The following MAF variants were observed in gnomAD, a reference collection of about 807,000 sequenced individuals.
MAF encodes the protein transcription factor Maf.
In MAF, 10 loss-of-function variants were observed where a neutral mutation model predicts 22.0. That is an observed-to-expected ratio of 0.45 (90% CI 0.28 to 0.77). MAF has a LOEUF of 0.77. MAF is among the 30% of genes least tolerant of loss of function. The pLI is 0.12. For synonymous variants in MAF, 337 were observed against 255.8 expected (o/e 1.32, Z -3.03); for missense variants, 544 against 548.4 (o/e 0.99, Z 0.08).
chr16:79,483,881 G>C, the MAF span, among the ~76,000 whole-genome samples: 1 of 152,146 alleles, frequency 6.6e-6, no homozygotes, highest in African/African-American at 2.4e-5. Flanking sequence ...GGTCATCTTC[G>C]CCTTCTGTCC....
At chr16:79,219,777 C>A in the MAF span, among the ~76,000 whole-genome samples, 1 of 152,008 alleles carries the variant, frequency 6.6e-6, no homozygotes, top group East Asian at 1.9e-4. Context: ...TCCTACCGTG[C>A]TTTATTTTCA....
chr16:79,494,660 A>G, the MAF span, among the ~76,000 whole-genome samples: 4 of 152,118 alleles, frequency 2.6e-5, no homozygotes, highest in African/African-American at 9.7e-5. Context: ...TCTGACACCA[A>G]ATGTGTAGGA....
At chr16:79,257,815 G>A in the MAF span, among the ~76,000 whole-genome samples, 1 of 152,146 alleles carries the variant, frequency 6.6e-6, no homozygotes, top group Non-Finnish European at 1.5e-5. Flanking sequence ...TGCTGTTAGT[G>A]AAAACTGGAG....
the MAF span, among the ~76,000 whole-genome samples, chr16:79,323,631 C>T: frequency 6.6e-6 from 1 of 152,152 alleles, no homozygotes; most frequent in Admixed American, 6.5e-5. Flanking sequence ...TGGGACCGTA[C>T]CTTGCGGCAA....
At chr16:79,354,216 G>C in the MAF span, among the ~76,000 whole-genome samples, 1 of 151,864 alleles carries the variant, frequency 6.6e-6, no homozygotes, top group Admixed American at 6.6e-5. Context: ...TGCTCTCAAA[G>C]TCCTGGCTCA....
At chr16:79,537,474 C>T in the MAF span, among the ~76,000 whole-genome samples, 2 of 152,170 alleles carry the variant, frequency 1.3e-5, no homozygotes, top group East Asian at 1.9e-4. Context: ...TTGAGTGACC[C>T]ATTCAAAGCC....
At chr16:79,349,569 C>T in the MAF span, among the ~76,000 whole-genome samples, 1 of 152,184 alleles carries the variant, frequency 6.6e-6, no homozygotes, top group Non-Finnish European at 1.5e-5. Context: ...CCTGGGTCTG[C>T]TCAGGAACAT....
chr16:79,349,266 T>C, the MAF span, among the ~76,000 whole-genome samples: 2 of 152,194 alleles, frequency 1.3e-5, no homozygotes, highest in Admixed American at 6.5e-5. Flanking sequence ...GTCCTACTCA[T>C]AATGCCCAGG....
chr16:79,369,367 G>C, the MAF span, among the ~76,000 whole-genome samples: 2 of 152,160 alleles, frequency 1.3e-5, no homozygotes, highest in Non-Finnish European at 2.9e-5. Context: ...CTTCAAGCCT[G>C]TCTCATCCCA....
the MAF span, among the ~76,000 whole-genome samples, chr16:79,236,090 G>A: frequency 3.3e-5 from 5 of 152,060 alleles, no homozygotes; most frequent in African/African-American, 1.2e-4. Flanking sequence ...ACCTTGGCTG[G>A]TGGGCCTCTG....
chr16:79,456,768 C>T, the MAF span, among the ~76,000 whole-genome samples: 1 of 152,200 alleles, frequency 6.6e-6, no homozygotes, highest in African/African-American at 2.4e-5. Context: ...TTCTGCCTCT[C>T]AGTGAAGTGG....
chr16:79,295,349 C>T, the MAF span, among the ~76,000 whole-genome samples: 1 of 152,156 alleles, frequency 6.6e-6, no homozygotes, highest in African/African-American at 2.4e-5. Context: ...GAAACTTTAG[C>T]ACAGCCACGT....
chr16:79,599,140 G>C lies in MAF; in HGVS notation c.763C>G (p.Leu255Val). The C allele has an allele frequency of 6.4e-7, 1 of 1,566,158 alleles. No individual in the cohort carries two copies. The highest frequency in any genetic ancestry group is 8.6e-7 in the Non-Finnish European group (1 of 1,162,728). Residue 255 changes from leucine to valine, a missense_variant, in exon 1 of 2, where the codon CTG (leucine) becomes GTG (valine). This residue lies in a region of MAF where 342 missense variants were observed against 315.5 expected (regional missense o/e 1.08). Transcript: ENST00000326043. Reference protein sequence around the residue: ...ALHPHHAAGGLHFDDRFSDEQ... With the variant: ...ALHPHHAAGGVHFDDRFSDEQ... ...TCGGAGAAGCGGTCGTCGAAGTGCA[G>C]GCCGCCGGCGGCGTGGTGCGGGTGC...
At position 79,588,649 on chromosome 16, in the gene MAF, A is replaced by G. The variant is rs369686571; in HGVS notation, c.1119-2708T>C. On this transcript the variant is annotated intron_variant, in intron 1 of 1. Transcript: ENST00000569649. ...GCTAACTTATGTATTTTTAGTAGAG[A>G]CCGGGTTTCACCAGGTTGGCCAGGC... Among the ~76,000 whole-genome samples the G allele has an allele frequency of 1.3e-4, 19 of 151,808 alleles. No individual in the cohort carries two copies. In the East Asian group the frequency reaches 2.5e-3, roughly 20 times the overall value.
chr16:79,530,942 T>C, the MAF span, among the ~76,000 whole-genome samples: 1 of 152,300 alleles, frequency 6.6e-6, no homozygotes, highest in Non-Finnish European at 1.5e-5. Flanking sequence ...GAGATGGCCC[T>C]GGGTGGGGAG....
chr16:79,241,272 C>T, the MAF span, among the ~76,000 whole-genome samples: 11,234 of 151,996 alleles, frequency 0.074, 603 homozygotes, highest in Middle Eastern at 0.15. Flanking sequence ...TCTAACCCAA[C>T]GCAAGGAAGC....
At chr16:79,418,557 TAAAATA>T in the MAF span, among the ~76,000 whole-genome samples, 1 of 151,906 alleles carries the variant, frequency 6.6e-6, no homozygotes, top group Non-Finnish European at 1.5e-5. Context: ...AAAAATAAAA[TAAAATA>T]AAACAGGATA....
the MAF span, among the ~76,000 whole-genome samples, chr16:79,342,184 G>A: frequency 7.7e-4 from 117 of 152,272 alleles, no homozygotes; most frequent in Non-Finnish European, 1.4e-3. Context: ...TGGCACACCC[G>A]GGGTCCCAAT....
At chr16:79,309,371 G>T in the MAF span, among the ~76,000 whole-genome samples, 1 of 152,096 alleles carries the variant, frequency 6.6e-6, no homozygotes, top group Non-Finnish European at 1.5e-5. Context: ...GTTCTCTCTG[G>T]CCTCCCCACC....
Sources: allele counts gnomAD v4.1 joint callset (sites outside exome capture counted in the v4.1 genomes callset), GRCh38; gene constraint gnomAD v4.1.1; regional missense constraint gnomAD v4.1.1; transcripts MANE v1.5; gene names NCBI Gene and HGNC (gene_info 2026-07-23, HGNC 2026-07-21).